Variants in SV2B observed in about 807,000 individuals in gnomAD.
SV2B encodes solute carrier family 22 member B2.
In SV2B, 41 loss-of-function variants were observed where a neutral mutation model predicts 73.9. The ratio of observed to expected loss-of-function variants is 0.56; its 90% CI spans 0.43 to 0.72. The LOEUF (loss-of-function observed/expected upper bound fraction) is 0.72. Ranked by LOEUF, SV2B falls within the 30% of genes least tolerant of loss-of-function variation. The pLI is 0.00. For missense variants in SV2B, 764 were observed against 857.8 expected (o/e 0.89, Z 1.37); for synonymous variants, 314 against 314.2 (o/e 1.00, Z 0.01).
intron 1 of SV2B, among the ~76,000 whole-genome samples, chr15:91,180,808 A>G (rs1253987719): frequency 9.2e-5 from 14 of 152,074 alleles, no homozygotes; most frequent in Admixed American, 6.6e-4. Flanking sequence ...ATTTTTTTCA[A>G]AGTTTTCAAC....
chr15:91,253,406 TGCTTTCTCAGC>T lies in SV2B; in HGVS notation c.784+887_784+897del. On this transcript the variant is annotated intron_variant, in intron 4 of 12. Coordinates refer to ENST00000394232, the MANE Select transcript of SV2B (RefSeq NM_001323032.3). This position sits in a 1 kb window ranked among gnomAD's most constrained non-coding sequence, Gnocchi z 5.0. ...GTTTTAAATATGACCCTCTCTGCTG[TGCTTTCTCAGC>T]TAATGGAGGCTGCATGTATATGTTT... is the stretch of plus-strand genomic sequence containing the variant. Among the ~76,000 whole-genome samples, 1 of 152,246 alleles carries T rather than the reference TGCTTTCTCAGC, an allele frequency of 6.6e-6. No homozygotes were observed. Among genetic ancestry groups the T allele is most frequent in the Admixed American group, 6.5e-5 (1 of 15,286 alleles).
At position 91,131,000 on chromosome 15, in the gene SV2B, A is replaced by T. The variant is rs538417334; in HGVS notation, c.-392+30637A>T. 3.4e-4 allele frequency among the ~76,000 whole-genome samples: 52 copies of T among 151,958 alleles called. No homozygotes were observed. Among genetic ancestry groups the T allele is most frequent in the Admixed American group, 2.8e-3 (42 of 15,262 alleles). ...GAGCAGTCGGGGGTTAGCCTTAGAA[A>T]AGGGTAGCTACGCTGTGGAGGGAGA... On this transcript the variant is annotated intron_variant, in intron 1 of 12. Coordinates refer to ENST00000394232, the MANE Select transcript of SV2B (RefSeq NM_001323032.3). The surrounding 1 kb of genome is among the most constrained non-coding windows in gnomAD (Gnocchi z 5.6).
In SV2B at chr15:91,227,454, A is replaced by G. The variant is rs1007831531; in HGVS notation, c.451+740A>G. On this transcript the variant is annotated intron_variant, in intron 2 of 12. Transcript: ENST00000394232. This position sits in a 1 kb window ranked among gnomAD's most constrained non-coding sequence, Gnocchi z 4.5. ...GTAGAAAAGATTCATCATCATATGG[A>G]CAAGCATTTGTCTTTAGTCACCAAA... 3.9e-5 allele frequency among the ~76,000 whole-genome samples: 6 copies of G among 152,228 alleles called. No homozygotes were observed. The highest frequency in any genetic ancestry group is 1.5e-5 in the Non-Finnish European group (1 of 68,040).
chr15:91,278,696 A>G (rs894925783), intron 9 of SV2B, among the ~76,000 whole-genome samples: 10 of 150,002 alleles, frequency 6.7e-5, no homozygotes, highest in Non-Finnish European at 1.5e-4. Context: ...AAAAAAAAAA[A>G]AAAGAAGTTA....
In SV2B at chr15:91,226,062, AT is replaced by A; in HGVS notation, c.-199del. 1 of 590,878 alleles carries A rather than the reference AT, an allele frequency of 1.7e-6. No homozygotes were observed. 36.6% of individuals were successfully genotyped at this position (590,878 alleles called of 1,614,324 possible). Reference sequence around the variant, plus strand: ...CAACAGACATCGAGTGCAAAAGGATATTTAGGTTGTCTTTGCACAAATCTGG... The same window carrying A: ...CAACAGACATCGAGTGCAAAAGGATATTAGGTTGTCTTTGCACAAATCTGG... On this transcript the variant is annotated 5_prime_UTR_variant, in exon 2 of 13. Transcript: ENST00000394232.
intron 6 of SV2B, among the ~76,000 whole-genome samples, chr15:91,264,652 T>C (rs2048039017): frequency 6.6e-6 from 1 of 152,186 alleles, no homozygotes; most frequent in Non-Finnish European, 1.5e-5. Flanking sequence ...TCCCATTTAG[T>C]TATTTTAACA....
intron 2 of SV2B, among the ~76,000 whole-genome samples, chr15:91,248,035 A>G (rs2047312983): frequency 6.6e-6 from 1 of 152,228 alleles, no homozygotes. Context: ...ATCCATGTGT[A>G]CAATGTCATA....
chr15:91,269,932 C>T (rs77817710), intron 9 of SV2B, among the ~76,000 whole-genome samples: 4,404 of 152,218 alleles, frequency 0.029, 231 homozygotes, highest in African/African-American at 0.1. Flanking sequence ...AGTCATTATC[C>T]TCTGCCCAGA....
At chr15:91,165,436 A>G (rs1448575362) in intron 1 of SV2B, among the ~76,000 whole-genome samples, 1 of 152,238 alleles carries the variant, frequency 6.6e-6, no homozygotes, top group African/African-American at 2.4e-5. Context: ...AACAATTTAC[A>G]TAGCACTTAT....
Position 91,236,895 on chromosome 15 carries a change from G to A in SV2B, c.451+10181G>A, listed in dbSNP as rs143566036. Reference sequence around the variant, plus strand: ...TGAGCATCTCTCTCTATCTCCATACGATCTTTAAATGTGATCTTTCCAACA... The same window carrying A: ...TGAGCATCTCTCTCTATCTCCATACAATCTTTAAATGTGATCTTTCCAACA... On this transcript the variant is annotated intron_variant, in intron 2 of 12. Transcript: ENST00000394232. The surrounding 1 kb of genome is among the most constrained non-coding windows in gnomAD (Gnocchi z 4.1). 4.6e-5 allele frequency among the ~76,000 whole-genome samples: 7 copies of A among 152,028 alleles called. No individual in the cohort carries two copies. The highest frequency in any genetic ancestry group is 1.7e-4 in the African/African-American group (7 of 41,448).
Position 91,197,934 on chromosome 15 carries a change from T to C in SV2B, c.-391-27939T>C, listed in dbSNP as rs1002628342. Among the ~76,000 whole-genome samples, 3 of 152,070 alleles carry C rather than the reference T, an allele frequency of 2.0e-5. No homozygotes were observed. Among genetic ancestry groups the C allele is most frequent in the East Asian group, 1.9e-4 (1 of 5,174 alleles). On this transcript the variant is annotated intron_variant, in intron 1 of 12. Transcript: ENST00000394232. This position sits in a 1 kb window ranked among gnomAD's most constrained non-coding sequence, Gnocchi z 4.9. ...GTGTAATCCCAGCTACTTGGCAGGC[T>C]GAAGCAGGAGAATCTCTTGAACCTG...
intron 1 of SV2B, among the ~76,000 whole-genome samples, chr15:91,104,879 G>A (rs992858423): frequency 6.6e-6 from 1 of 152,138 alleles, no homozygotes; most frequent in African/African-American, 2.4e-5. Context: ...TGATCTGCCC[G>A]CCTCGGCCTC....
chr15:91,145,693 G>A (rs940106823), intron 1 of SV2B, among the ~76,000 whole-genome samples: 14 of 152,194 alleles, frequency 9.2e-5, no homozygotes, highest in African/African-American at 3.4e-4. Context: ...TGACTGGTAT[G>A]AGATGATATC....
rs1425654620 is a variant in SV2B at position 91,123,596 on chromosome 15, C to T, written c.-392+23233C>T. ...ACTCCAAAAGTGGTCCCTGTGCATA[C>T]TGTGTGACTTATGGCACACAAATGG... On this transcript the variant is annotated intron_variant, in intron 1 of 12. Coordinates refer to ENST00000394232, the MANE Select transcript of SV2B (RefSeq NM_001323032.3). This position sits in a 1 kb window ranked among gnomAD's most constrained non-coding sequence, Gnocchi z 4.7. 2.0e-5 allele frequency among the ~76,000 whole-genome samples: 3 copies of T among 152,148 alleles called. No individual in the cohort carries two copies. Among genetic ancestry groups the T allele is most frequent in the Non-Finnish European group, 2.9e-5 (2 of 68,030 alleles).
At position 91,240,310 on chromosome 15, in the gene SV2B, G is replaced by T. The variant is rs1289314552; in HGVS notation, c.452-11509G>T. On this transcript the variant is annotated intron_variant, in intron 2 of 12. Transcript: ENST00000394232. The surrounding 1 kb of genome is among the most constrained non-coding windows in gnomAD (Gnocchi z 4.6). ...TACCTGCCTACAGAAGCATTGTGAGGATTAAATAAGATAAAGCCCATAAAG... is the reference window on the plus strand; with the variant it reads ...TACCTGCCTACAGAAGCATTGTGAGTATTAAATAAGATAAAGCCCATAAAG... 6.6e-6 allele frequency among the ~76,000 whole-genome samples: 1 copy of T among 152,146 alleles called. No individual in the cohort carries two copies. Among genetic ancestry groups the T allele is most frequent in the African/African-American group, 2.4e-5 (1 of 41,426 alleles).
Position 91,297,352 on chromosome 15 carries a change from C to T in SV2B, c.*4800C>T, listed in dbSNP as rs1169499799. On this transcript the variant is annotated 3_prime_UTR_variant, in exon 13 of 13. Coordinates refer to ENST00000394232, the MANE Select transcript of SV2B (RefSeq NM_001323032.3). This position sits in a 1 kb window ranked among gnomAD's most constrained non-coding sequence, Gnocchi z 5.1. ...AGGGAAATGCGGTATTTACTGGGAA[C>T]ATTGCTGCCCCTCCTCCAAATTGAG... is the stretch of plus-strand genomic sequence containing the variant. 1.3e-5 allele frequency: 2 copies of T among 152,246 alleles called. No individual in the cohort carries two copies. Among genetic ancestry groups the T allele is most frequent in the African/African-American group, 4.8e-5 (2 of 41,462 alleles). 9.4% of individuals were successfully genotyped at this position (152,246 alleles called of 1,614,324 possible).
Position 91,187,509 on chromosome 15 carries a change from G to A in SV2B, c.-391-38364G>A, listed in dbSNP as rs193270384. On this transcript the variant is annotated intron_variant, in intron 1 of 12. Coordinates refer to ENST00000394232, the MANE Select transcript of SV2B (RefSeq NM_001323032.3). ...ATCAGTGGCTCTGGGTTAGTTTTCT[G>A]GAAGTCACCCCATTCTAATATATAA... Among the ~76,000 whole-genome samples the A allele has an allele frequency of 2.1e-3, 327 of 152,268 alleles. 6 individuals are homozygous for A. The highest frequency in any genetic ancestry group is 0.02 in the Admixed American group (304 of 15,294).
At chr15:91,150,178 A>AT (rs369686891) in intron 1 of SV2B, among the ~76,000 whole-genome samples, 23 of 151,308 alleles carry the variant, frequency 1.5e-4, no homozygotes, top group Non-Finnish European at 2.8e-4. Flanking sequence ...AATTTTTTGT[A>AT]TTTTTTTTAG....
chr15:91,201,877 T>A (rs1450685505), intron 1 of SV2B, among the ~76,000 whole-genome samples: 3 of 152,182 alleles, frequency 2.0e-5, no homozygotes, highest in Non-Finnish European at 4.4e-5. Flanking sequence ...GCTCCCTGCC[T>A]CTTTCCTTGT....
Sources: gnomAD v4.1 joint callset for allele counts (sites outside exome capture counted in the v4.1 genomes callset) on GRCh38, gnomAD v4.1.1 for gene constraint, Gnocchi (gnomAD v3.1) non-coding constraint, MANE v1.5 for transcripts, NCBI Gene and HGNC (gene_info 2026-07-23, HGNC 2026-07-21) for gene names.